Variants in UMAD1 observed in about 807,000 individuals in gnomAD.
UMAD1 encodes UBAP1-MVB12-associated (UMA) domain containing 1.
In UMAD1, 8 loss-of-function variants were observed where a neutral mutation model predicts 6.1. The ratio of observed to expected loss-of-function variants is 1.30; its 90% confidence interval spans 0.76 to 2.35. The LOEUF (loss-of-function observed/expected upper bound fraction) is 2.35, where lower values mean the gene tolerates loss of function less well. Ranked by LOEUF, UMAD1 falls within the 30% of genes most tolerant of loss-of-function variation. UMAD1 has a pLI of 0.00. For synonymous variants in UMAD1, 56 were observed against 31.4 expected, an observed-to-expected ratio of 1.78 and a Z score of -2.61; for missense variants, 130 against 78.4, an observed-to-expected ratio of 1.66 and a Z score of -2.49.
intron 2 of UMAD1, among the ~76,000 whole-genome samples, chr7:7,793,064 T>C (rs943210284): frequency 6.6e-6 from 1 of 152,172 alleles, no homozygotes; most frequent in Non-Finnish European, 1.5e-5. Context: ...AGTCCATAGA[T>C]TCTCTGATGC....
chr7:7,872,721 T>C (rs77594829), intron 3 of UMAD1, among the ~76,000 whole-genome samples: 1,945 of 152,306 alleles, frequency 0.013, 44 homozygotes, highest in African/African-American at 0.045. Context: ...AATAAAAGAA[T>C]GTATGCCTAT....
intron 3 of UMAD1, among the ~76,000 whole-genome samples, chr7:7,876,692 A>G (rs549558834): frequency 6.6e-6 from 1 of 152,376 alleles, no homozygotes; most frequent in South Asian, 2.1e-4. Context: ...GAGATAAATT[A>G]TGAGTACATA....
intron 1 of UMAD1, among the ~76,000 whole-genome samples, chr7:7,672,306 T>A (rs1779626232): frequency 6.6e-6 from 1 of 152,198 alleles, no homozygotes; most frequent in Admixed American, 6.5e-5. Flanking sequence ...ATTGTTGGCC[T>A]ACTTGAATGT....
At chr7:7,850,597 C>T (rs1442641658) in intron 3 of UMAD1, among the ~76,000 whole-genome samples, 7 of 152,000 alleles carry the variant, frequency 4.6e-5, no homozygotes, top group African/African-American at 1.7e-4. Flanking sequence ...TATAAAATTT[C>T]TTCTGACTTA....
At chr7:7,725,438 C>G (rs1781122122) in intron 2 of UMAD1, among the ~76,000 whole-genome samples, 1 of 152,098 alleles carries the variant, frequency 6.6e-6, no homozygotes, top group South Asian at 2.1e-4. Flanking sequence ...TTTGGCAGGC[C>G]CCCATAAGTG....
intron 3 of UMAD1, among the ~76,000 whole-genome samples, chr7:7,826,569 C>T (rs185134531): frequency 2.0e-5 from 3 of 152,206 alleles, no homozygotes; most frequent in Admixed American, 1.3e-4. Context: ...GATTTTTCAC[C>T]TGGATAGCTG....
rs539968327 is a variant in UMAD1 at position 7,792,996 on chromosome 7, C to T, written c.83-8674C>T. Among the ~76,000 whole-genome samples the T allele has an allele frequency of 3.3e-5, 5 of 152,284 alleles. No individual in the cohort carries two copies. In the East Asian group the frequency reaches 9.6e-4, roughly 29 times the overall value. On this transcript the variant is annotated intron_variant, in intron 2 of 3. Transcript: ENST00000682710. The stretch of plus-strand genomic sequence containing the variant: ...GGCTCCACCTCTTACTACCAACACA[C>T]TGGGGATTAGGTTTCAATATACGAA...
chr7:7,748,005 C>T (rs1263320578), intron 2 of UMAD1, among the ~76,000 whole-genome samples: 5 of 151,944 alleles, frequency 3.3e-5, no homozygotes, highest in Admixed American at 2.6e-4. Flanking sequence ...GGCGTGATCT[C>T]GGCTCACTGC....
At chr7:7,648,010 T>A (rs1462380036) in intron 1 of UMAD1, among the ~76,000 whole-genome samples, 1 of 152,204 alleles carries the variant, frequency 6.6e-6, no homozygotes, top group Non-Finnish European at 1.5e-5. Flanking sequence ...ATATCTCACC[T>A]AGGGGAGACA....
chr7:7,668,969 A>G (rs530202764), intron 1 of UMAD1, among the ~76,000 whole-genome samples: 2 of 152,296 alleles, frequency 1.3e-5, no homozygotes, highest in South Asian at 4.1e-4. Flanking sequence ...CACCTAATGG[A>G]CATAGCTTTG....
intron 2 of UMAD1, among the ~76,000 whole-genome samples, chr7:7,734,231 C>G (rs576251571): frequency 1.3e-5 from 2 of 152,118 alleles, no homozygotes; most frequent in East Asian, 3.9e-4. Flanking sequence ...AGCTTTGAGC[C>G]CCCTGTGGTA....
At chr7:7,848,423 A>G (rs1363041294) in intron 3 of UMAD1, among the ~76,000 whole-genome samples, 1 of 152,114 alleles carries the variant, frequency 6.6e-6, no homozygotes, top group African/African-American at 2.4e-5. Context: ...TTCACTTTCT[A>G]TATCAACAGT....
intron 2 of UMAD1, among the ~76,000 whole-genome samples, chr7:7,703,806 G>C (rs971668444): frequency 6.6e-6 from 1 of 152,124 alleles, no homozygotes; most frequent in Non-Finnish European, 1.5e-5. Context: ...AGGTAATGTG[G>C]TGGCGTGCCC....
At chr7:7,756,856 A>G (rs1435530005) in intron 2 of UMAD1, among the ~76,000 whole-genome samples, 1 of 152,202 alleles carries the variant, frequency 6.6e-6, no homozygotes, top group East Asian at 1.9e-4. Flanking sequence ...GGGTGATTCT[A>G]CTGGGCAGCC....
intron 2 of UMAD1, among the ~76,000 whole-genome samples, chr7:7,722,443 T>G (rs1475557132): frequency 6.6e-6 from 1 of 152,090 alleles, no homozygotes; most frequent in Admixed American, 6.6e-5. Flanking sequence ...TTATGCAAAA[T>G]AAATGCATTT....
At chr7:7,827,494 A>G (rs1454138631) in intron 3 of UMAD1, among the ~76,000 whole-genome samples, 7 of 152,252 alleles carry the variant, frequency 4.6e-5, no homozygotes, top group Middle Eastern at 3.4e-3. Flanking sequence ...ATTTATCCAC[A>G]GTTTTAAAAT....
At chr7:7,794,229 A>G (rs182480628) in intron 2 of UMAD1, among the ~76,000 whole-genome samples, 256 of 152,306 alleles carry the variant, frequency 1.7e-3, no homozygotes, top group Non-Finnish European at 2.6e-3. Flanking sequence ...AGTCCACAAC[A>G]GCCCATTTCC....
intron 2 of UMAD1, among the ~76,000 whole-genome samples, chr7:7,723,480 A>G (rs1187961541): frequency 6.6e-6 from 1 of 152,182 alleles, no homozygotes; most frequent in Non-Finnish European, 1.5e-5. Context: ...GGTTTAATGT[A>G]GAGGAAGGGA....
chr7:7,651,307 C>A (rs1299382840), intron 1 of UMAD1, among the ~76,000 whole-genome samples: 1 of 152,092 alleles, frequency 6.6e-6, no homozygotes, highest in Non-Finnish European at 1.5e-5. Context: ...GGACTTGTGA[C>A]AAGGGTGGGC....
Sources: gnomAD v4.1 joint callset for allele counts (sites outside exome capture counted in the v4.1 genomes callset) on GRCh38, gnomAD v4.1.1 for gene constraint, MANE v1.5 for transcripts, NCBI Gene and HGNC (gene_info 2026-07-23, HGNC 2026-07-21) for gene names.